Variants in VTCN1 observed in about 807,000 individuals in gnomAD.
The protein encoded by VTCN1 is V-set domain-containing T-cell activation inhibitor 1.
VTCN1 carries 26 observed loss-of-function variants against 26.5 expected under a neutral mutation model. The observed-to-expected ratio is 0.98, with a 90% CI of 0.72 to 1.36. VTCN1 has a LOEUF of 1.36. Among genes scored for constraint, VTCN1 ranks in the 40% most tolerant of loss-of-function variants. The pLI is 0.00. For missense variants in VTCN1, 298 were observed against 337.7 expected, an observed-to-expected ratio of 0.88 and a Z score of 0.92; for synonymous variants, 116 against 130.7, an observed-to-expected ratio of 0.89 and a Z score of 0.77.
intron 1 of VTCN1, chr1:117,173,050 T>A: frequency 1.5e-6 from 1 of 662,644 alleles, no homozygotes; most frequent in Non-Finnish European, 2.8e-6. Context: ...TGCACTACCT[T>A]TATGAGCTGT....
At chr1:117,149,867 T>G (rs1349672960) in intron 4 of VTCN1, among the ~76,000 whole-genome samples, 1 of 152,244 alleles carries the variant, frequency 6.6e-6, no homozygotes, top group Non-Finnish European at 1.5e-5. Flanking sequence ...TAAGAAATTC[T>G]GCTATTTTCT....
chr1:117,177,157 T>A (rs1647399899), intron 1 of VTCN1, among the ~76,000 whole-genome samples: 2 of 152,128 alleles, frequency 1.3e-5, no homozygotes, highest in African/African-American at 4.8e-5. Context: ...AGGAAATTTC[T>A]TTATGGGGAA....
chr1:117,205,187 G>A (rs906844673), intron 1 of VTCN1, among the ~76,000 whole-genome samples: 1 of 144,560 alleles, frequency 6.9e-6, no homozygotes, highest in Admixed American at 7.0e-5. Context: ...GGGGGGTCTC[G>A]CTCTATTACC....
chr1:117,155,399 T>G lies in VTCN1; in HGVS notation c.445+1175A>C, dbSNP rs1652020004. Among the ~76,000 whole-genome samples, 1 of 152,218 alleles carries G rather than the reference T, an allele frequency of 6.6e-6. No homozygotes were observed. The highest frequency in any genetic ancestry group is 2.1e-4 in the South Asian group (1 of 4,828). On this transcript the variant is annotated intron_variant, in intron 3 of 5. Transcript: ENST00000369458. The surrounding 1 kb of genome is among the most constrained non-coding windows in gnomAD (Gnocchi z 4.8). ...CTCCACTTTTTGGAGGGAAGAGATC[T>G]AAATAAATTATTTGGAATTCATCTG...
chr1:117,164,363 G>A (rs1652504863), intron 2 of VTCN1, among the ~76,000 whole-genome samples: 1 of 151,882 alleles, frequency 6.6e-6, no homozygotes, highest in Non-Finnish European at 1.5e-5. Context: ...CAGGGGGGTG[G>A]GGTTGCGGGG....
intron 1 of VTCN1, among the ~76,000 whole-genome samples, chr1:117,176,559 T>C (rs1647364579): frequency 6.6e-6 from 1 of 152,222 alleles, no homozygotes; most frequent in South Asian, 2.1e-4. Context: ...TCTCAAATAC[T>C]AACAGAACTG....
At chr1:117,187,704 C>T (rs1275978956) in intron 1 of VTCN1, among the ~76,000 whole-genome samples, 1 of 152,148 alleles carries the variant, frequency 6.6e-6, no homozygotes, top group Non-Finnish European at 1.5e-5. Context: ...CATATCTTTT[C>T]ATTTTTGTGT....
intron 1 of VTCN1, chr1:117,173,144 A>G (rs1653013206): frequency 1.4e-6 from 1 of 714,788 alleles, no homozygotes; most frequent in Non-Finnish European, 2.6e-6. Flanking sequence ...ACTCCGGAAC[A>G]AACAACTCCG....
At chr1:117,179,519 A>T (rs1178811674) in intron 1 of VTCN1, among the ~76,000 whole-genome samples, 1 of 152,170 alleles carries the variant, frequency 6.6e-6, no homozygotes, top group African/African-American at 2.4e-5. Flanking sequence ...TTAGATTTAG[A>T]CTCAAAATAC....
intron 1 of VTCN1, among the ~76,000 whole-genome samples, chr1:117,207,179 CT>C (rs1649110063): frequency 6.6e-6 from 1 of 152,178 alleles, no homozygotes; most frequent in South Asian, 2.1e-4. Context: ...CTCCCTGAGC[CT>C]CCTTGTCCCA....
intron 1 of VTCN1, among the ~76,000 whole-genome samples, chr1:117,209,487 G>A (rs548300193): frequency 9.2e-5 from 14 of 152,290 alleles, no homozygotes; most frequent in Admixed American, 8.5e-4. Flanking sequence ...CAGTCATCTG[G>A]CCTTAACTTC....
intron 1 of VTCN1, among the ~76,000 whole-genome samples, chr1:117,171,483 G>A (rs541679634): frequency 5.9e-5 from 9 of 152,292 alleles, no homozygotes; most frequent in East Asian, 1.9e-4. Context: ...GCGTAAAAGC[G>A]TTCCTATTTC....
At chr1:117,180,501 AT>A (rs1240285608) in intron 1 of VTCN1, among the ~76,000 whole-genome samples, 1 of 152,194 alleles carries the variant, frequency 6.6e-6, no homozygotes, top group African/African-American at 2.4e-5. Flanking sequence ...AACTGATCCC[AT>A]TGTACTGAAT....
intron 1 of VTCN1, among the ~76,000 whole-genome samples, chr1:117,173,891 C>T (rs906290127): frequency 8.5e-5 from 13 of 152,198 alleles, no homozygotes; most frequent in African/African-American, 2.2e-4. Context: ...ACCAGGCCCA[C>T]GTTTCCCTCG....
At chr1:117,207,565 C>T (rs75986733) in intron 1 of VTCN1, among the ~76,000 whole-genome samples, 5,587 of 152,216 alleles carry the variant, frequency 0.037, 175 homozygotes, top group East Asian at 0.11. Flanking sequence ...ATTCCTTGCC[C>T]TTGAGCTATT....
In VTCN1 at chr1:117,167,808, A is replaced by G. The variant is rs1652694525; in HGVS notation, c.97+2299T>C. On this transcript the variant is annotated intron_variant, in intron 2 of 5. Coordinates refer to ENST00000369458, the MANE Select transcript of VTCN1 (RefSeq NM_024626.4). This position sits in a 1 kb window ranked among gnomAD's most constrained non-coding sequence, Gnocchi z 4.1. Reference sequence around the variant, plus strand: ...AAGTAAAGCAGGAAGAGGAATATTAATAAAGATAAAAGCCAAAATTAGTAA... The same window carrying G: ...AAGTAAAGCAGGAAGAGGAATATTAGTAAAGATAAAAGCCAAAATTAGTAA... Among the ~76,000 whole-genome samples the G allele has an allele frequency of 6.6e-6, 1 of 152,224 alleles. No homozygotes were observed. The highest frequency in any genetic ancestry group is 2.4e-5 in the African/African-American group (1 of 41,454).
Position 117,199,930 on chromosome 1 carries a change from A to G in VTCN1, c.32+10894T>C, listed in dbSNP as rs982117870. ...ATTACAGGTTTGAGCCACCACGCCC[A>G]GCCTGCAGGGATTCTTTTAACTGTA... is the stretch of plus-strand genomic sequence containing the variant. On this transcript the variant is annotated intron_variant, in intron 1 of 5. Coordinates refer to ENST00000369458, the MANE Select transcript of VTCN1 (RefSeq NM_024626.4). 2.0e-5 allele frequency among the ~76,000 whole-genome samples: 3 copies of G among 152,296 alleles called. No individual in the cohort carries two copies. In the East Asian group the frequency reaches 5.8e-4, roughly 29 times the overall value.
chr1:117,147,567 A>G lies in VTCN1; in HGVS notation c.*45+46T>C. 1 of 1,514,570 alleles carries G rather than the reference A, an allele frequency of 6.6e-7. No individual in the cohort carries two copies. Among genetic ancestry groups the G allele is most frequent in the Non-Finnish European group, 8.9e-7 (1 of 1,123,444 alleles). 93.8% of individuals were successfully genotyped at this position (1,514,570 alleles called of 1,614,324 possible). A position where few individuals can be genotyped will look rare whatever the true frequency, so the allele number is the denominator to read the frequency against. ...CTATCCGACTCTCATTAGGAGCACA[A>G]GCACCCACAGAACCAATATCCCACA... On this transcript the variant is annotated intron_variant, in intron 5 of 5. Coordinates refer to ENST00000369458, the MANE Select transcript of VTCN1 (RefSeq NM_024626.4). The surrounding 1 kb of genome is among the most constrained non-coding windows in gnomAD (Gnocchi z 4.6).
At position 117,145,733 on chromosome 1, in the gene VTCN1, A is replaced by G. The variant is rs1002305204; in HGVS notation, c.*46-508T>C. Among the ~76,000 whole-genome samples, 3 of 152,198 alleles carry G rather than the reference A, an allele frequency of 2.0e-5. No individual in the cohort carries two copies. The highest frequency in any genetic ancestry group is 7.2e-5 in the African/African-American group (3 of 41,444). On this transcript the variant is annotated intron_variant, in intron 5 of 5. Transcript: ENST00000369458. This position sits in a 1 kb window ranked among gnomAD's most constrained non-coding sequence, Gnocchi z 4.6. ...ACTGCAGCCTAAACCTCCTGGGCTC[A>G]TGCAATCCTTCCACCTCAGCCTCCT...
Sources: gnomAD v4.1 joint callset for allele counts (sites outside exome capture counted in the v4.1 genomes callset) on GRCh38, gnomAD v4.1.1 for gene constraint, Gnocchi (gnomAD v3.1) non-coding constraint, MANE v1.5 for transcripts, NCBI Gene and HGNC (gene_info 2026-07-23, HGNC 2026-07-21) for gene names.